The following DOCK2 variants were observed in gnomAD, a reference collection of about 807,000 sequenced individuals.
DOCK2 encodes dedicator of cytokinesis protein 2.
In DOCK2, 87 loss-of-function variants were observed where a neutral mutation model predicts 248.9. That is an observed-to-expected ratio of 0.35 (90% CI 0.29 to 0.42). The LOEUF is 0.42. DOCK2 is among the 10% of genes least tolerant of loss of function. The probability of loss-of-function intolerance (pLI) is 1.00; values close to 1 mark genes in which losing one functional copy is unlikely to be tolerated. For synonymous variants in DOCK2, 805 were observed against 821.6 expected, an observed-to-expected ratio of 0.98 and a Z score of 0.35; for missense variants, 1,747 against 2,300.2, an observed-to-expected ratio of 0.76 and a Z score of 4.92.
At chr5:169,712,355 C>T in intron 17 of DOCK2, 132 bp downstream of exon 17, 1 of 689,052 alleles carries the variant, frequency 1.5e-6, no homozygotes, top group South Asian at 1.9e-5. Flanking sequence ...TTTGTGGCCT[C>T]TTATAAACTC....
chr5:169,826,929 A>G (rs548465947), intron 26 of DOCK2, among the ~76,000 whole-genome samples: 203 of 151,784 alleles, frequency 1.3e-3, no homozygotes, highest in African/African-American at 3.9e-3. Flanking sequence ...CCCTAGTCCT[A>G]TGCTGCTAAT....
chr5:169,998,157 A>G (rs925750695), intron 30 of DOCK2: 2 of 403,374 alleles, frequency 5.0e-6, no homozygotes, highest in East Asian at 7.1e-5. Flanking sequence ...GAGTCTCTTC[A>G]TAGCACTAAA....
intron 22 of DOCK2, among the ~76,000 whole-genome samples, chr5:169,737,148 T>C (rs1763079816): frequency 6.6e-6 from 1 of 152,168 alleles, no homozygotes; most frequent in South Asian, 2.1e-4. Context: ...AAGTACCATC[T>C]AAGCTGTGAC....
chr5:169,681,612 C>A (rs1307556053), intron 6 of DOCK2, 132 bp from the exon 7 acceptor site: 9 of 1,095,954 alleles, frequency 8.2e-6, no homozygotes, highest in Non-Finnish European at 1.2e-5. Flanking sequence ...GTGTCCCAGG[C>A]TATCAGTGTA....
intron 25 of DOCK2, among the ~76,000 whole-genome samples, chr5:169,775,094 G>A (rs1436601686): frequency 6.6e-6 from 1 of 152,116 alleles, no homozygotes; most frequent in Non-Finnish European, 1.5e-5. Context: ...ATTTCTAGTG[G>A]AGACAGTGTT....
intron 6 of DOCK2, among the ~76,000 whole-genome samples, chr5:169,680,741 A>G (rs1359246954): frequency 1.3e-5 from 2 of 151,906 alleles, no homozygotes; most frequent in Admixed American, 6.6e-5. Context: ...AAATTAAATA[A>G]ATTGAGACAA....
At chr5:169,800,449 C>T (rs921886993) in intron 25 of DOCK2, among the ~76,000 whole-genome samples, 3 of 152,192 alleles carry the variant, frequency 2.0e-5, no homozygotes, top group Non-Finnish European at 4.4e-5. Flanking sequence ...CTGCTATGAA[C>T]CAGGTACTGT....
Position 170,008,508 on chromosome 5 carries a change from CTA to C in DOCK2, c.3086_3087del (p.Tyr1029PhefsTer29). ...TCTTTCATTTACAGCTGTGGAACAA[CTA>C]TTTTCATCTGGCAGTGGCTTTTATC... ...TNFEFQLWNN[Y>X]FHLAVAFITQ... On this transcript the variant is annotated frameshift_variant, in exon 31 of 52. Transcript: ENST00000520908. LOFTEE classifies it high-confidence loss of function. 6.2e-7 allele frequency: 1 copy of C among 1,614,120 alleles called. No homozygotes were observed. The highest frequency in any genetic ancestry group is 8.5e-7 in the Non-Finnish European group (1 of 1,179,960).
chr5:169,658,980 C>CATTATTATTATTATTATTATT (rs200506411), intron 2 of DOCK2, among the ~76,000 whole-genome samples: 1 of 136,260 alleles, frequency 7.3e-6, no homozygotes, highest in African/African-American at 2.7e-5. Context: ...TACAAGACTG[C>CATTATTATTATTATTATTATT]ATTATTATTA....
chr5:169,745,083 A>G (rs1327975944), intron 22 of DOCK2, among the ~76,000 whole-genome samples: 6 of 152,204 alleles, frequency 3.9e-5, no homozygotes, highest in East Asian at 1.9e-4. Flanking sequence ...TGCCTCATGG[A>G]AGAGTAACAG....
intron 25 of DOCK2, among the ~76,000 whole-genome samples, chr5:169,801,341 C>G (rs112609519): frequency 0.013 from 1,995 of 151,950 alleles, 25 homozygotes; most frequent in Middle Eastern, 0.048. Context: ...AGCACAGTCT[C>G]TGCAGTCGGG....
intron 48 of DOCK2, 87 bp from the exon 49 acceptor site, chr5:170,078,888 G>A (rs1757929462): frequency 6.6e-7 from 1 of 1,504,336 alleles, no homozygotes; most frequent in Non-Finnish European, 9.1e-7. Context: ...GCAGCCCAAA[G>A]GTCCCCTTCA....
In DOCK2 at chr5:170,057,562, C is replaced by G; in HGVS notation, c.4381-18C>G. The G allele has an allele frequency of 6.2e-7, 1 of 1,612,220 alleles. No homozygotes were observed. The highest frequency in any genetic ancestry group is 8.5e-7 in the Non-Finnish European group (1 of 1,178,224). ...TTTGTTGCTTTCCTGCCCTTGCCAC[C>G]CCTCTGCCCACGGACAGTCCATGTG... is the stretch of plus-strand genomic sequence containing the variant. On this transcript the variant is annotated intron_variant, in intron 43 of 51. Transcript: ENST00000520908.
At chr5:170,080,061 C>CCG in intron 49 of DOCK2, 102 bp from the exon 50 acceptor site, 1 of 1,549,800 alleles carries the variant, frequency 6.5e-7, no homozygotes, top group Non-Finnish European at 8.7e-7. Context: ...TTCATAGAAA[C>CCG]CATGCCACGC....
rs878913900 is a variant in DOCK2, at chr5:169,983,725, T to TGGC, written c.2898+560_2898+562dup. On this transcript the variant is annotated intron_variant, in intron 28 of 51. Transcript: ENST00000520908. The stretch of plus-strand genomic sequence containing the variant: ...AGCAGAGCACACTTTGCCCTCAGTG[T>TGGC]GGCCTCCTTTCTCTCTGTCTTGTTG... 3.0e-4 allele frequency among the ~76,000 whole-genome samples: 45 copies of TGGC among 152,298 alleles called. 1 individual carries two copies. The highest frequency in any genetic ancestry group is 2.7e-3 in the Admixed American group (41 of 15,302).
chr5:169,692,708 C>G (rs941500552), intron 9 of DOCK2, among the ~76,000 whole-genome samples: 3 of 152,166 alleles, frequency 2.0e-5, no homozygotes, highest in African/African-American at 7.2e-5. Flanking sequence ...TTGGTTCATG[C>G]AAACAAGAGA....
At position 169,798,351 on chromosome 5, in the gene DOCK2, A is replaced by C. The variant is rs376682006; in HGVS notation, c.2555-4707A>C. On this transcript the variant is annotated intron_variant, in intron 25 of 51. Coordinates refer to ENST00000520908, the MANE Select transcript of DOCK2 (RefSeq NM_004946.3). ...AGCAACCTACTACTTGTATACTTCT[A>C]GGAATGGAGAACTTACTGCCAGACT... is the stretch of plus-strand genomic sequence containing the variant. Among the ~76,000 whole-genome samples, 79 of 152,358 alleles carry C rather than the reference A, an allele frequency of 5.2e-4. No individual in the cohort carries two copies. The East Asian group carries it at 7.7e-3, about 15-fold the overall frequency.
chr5:169,996,220 C>T (rs1754627062), intron 30 of DOCK2, 56 bp downstream of exon 30: 1 of 1,565,000 alleles, frequency 6.4e-7, no homozygotes, highest in Non-Finnish European at 8.7e-7. Flanking sequence ...CTCTGACATT[C>T]TGGGCTGATT....
chr5:169,811,936 A>G (rs1372516864), intron 26 of DOCK2, among the ~76,000 whole-genome samples: 1 of 152,184 alleles, frequency 6.6e-6, no homozygotes, highest in African/African-American at 2.4e-5. Flanking sequence ...CCATTCCACA[A>G]ATATTTAGAA....
Sources: allele counts gnomAD v4.1 joint callset (sites outside exome capture counted in the v4.1 genomes callset), GRCh38; gene constraint gnomAD v4.1.1; transcripts MANE v1.5; gene names NCBI Gene and HGNC (gene_info 2026-07-23, HGNC 2026-07-21).